Variants in CTNNA2 observed in about 807,000 individuals in gnomAD.
The protein encoded by CTNNA2 is catenin alpha 2.
In CTNNA2, 42 loss-of-function variants were observed where a neutral mutation model predicts 101.0. The ratio of observed to expected loss-of-function variants is 0.42; its 90% CI spans 0.32 to 0.54. The LOEUF is 0.54. Among genes scored for constraint, CTNNA2 ranks in the 20% least tolerant of loss-of-function variants. The probability of loss-of-function intolerance (pLI) is 0.14; values close to 1 mark genes in which losing one functional copy is unlikely to be tolerated. For missense variants in CTNNA2, 871 were observed against 1,223.1 expected, an observed-to-expected ratio of 0.71 and a Z score of 4.29; for synonymous variants, 450 against 456.4, an observed-to-expected ratio of 0.99 and a Z score of 0.18.
intron 3 of CTNNA2, among the ~76,000 whole-genome samples, chr2:79,783,465 C>T (rs1674608246): frequency 6.6e-6 from 1 of 152,196 alleles, no homozygotes; most frequent in Admixed American, 6.5e-5. Context: ...TTTCTCTCTT[C>T]TCTGAACTTC....
chr2:79,867,235 T>C (rs542090953), intron 4 of CTNNA2, among the ~76,000 whole-genome samples: 2 of 152,326 alleles, frequency 1.3e-5, no homozygotes, highest in African/African-American at 4.8e-5. Context: ...TCCTTGACTG[T>C]TCAAAAATAA....
chr2:80,341,021 G>A (rs1269877906), intron 7 of CTNNA2, among the ~76,000 whole-genome samples: 1 of 152,096 alleles, frequency 6.6e-6, no homozygotes, highest in Non-Finnish European at 1.5e-5. Flanking sequence ...GCCAGATGAA[G>A]GAGTACACAG....
chr2:79,657,800 A>G (rs772734250), intron 2 of CTNNA2, among the ~76,000 whole-genome samples: 20 of 151,820 alleles, frequency 1.3e-4, no homozygotes, highest in Non-Finnish European at 2.8e-4. Context: ...AAAACAAATA[A>G]AAATACTTTA....
At chr2:80,052,135 T>C (rs1019318388) in intron 7 of CTNNA2, among the ~76,000 whole-genome samples, 6 of 152,202 alleles carry the variant, frequency 3.9e-5, no homozygotes, top group Admixed American at 6.5e-5. Flanking sequence ...TTTGGGACTT[T>C]AAATATGATC....
chr2:80,427,170 C>T (rs1681070080), intron 9 of CTNNA2, among the ~76,000 whole-genome samples: 1 of 152,050 alleles, frequency 6.6e-6, no homozygotes, highest in Non-Finnish European at 1.5e-5. Flanking sequence ...AGTGATGTTG[C>T]CAGCTTTTGG....
At chr2:80,227,907 G>T (rs1708980902) in intron 7 of CTNNA2, among the ~76,000 whole-genome samples, 1 of 152,068 alleles carries the variant, frequency 6.6e-6, no homozygotes, top group Non-Finnish European at 1.5e-5. Flanking sequence ...TTAAGTTATT[G>T]TGTGATCTAG....
At chr2:80,444,601 C>T (rs1682911209) in intron 9 of CTNNA2, among the ~76,000 whole-genome samples, 1 of 152,158 alleles carries the variant, frequency 6.6e-6, no homozygotes, top group South Asian at 2.1e-4. Flanking sequence ...TAGCCCCCAG[C>T]ATGATCATAC....
chr2:80,532,522 T>A (rs1220813813), intron 9 of CTNNA2, among the ~76,000 whole-genome samples: 2 of 152,220 alleles, frequency 1.3e-5, no homozygotes, highest in Non-Finnish European at 2.9e-5. Flanking sequence ...AGAGTAATAA[T>A]GCTGGGATAT....
chr2:79,582,797 A>C (rs1194146152), intron 1 of CTNNA2, among the ~76,000 whole-genome samples: 1 of 152,144 alleles, frequency 6.6e-6, no homozygotes, highest in Non-Finnish European at 1.5e-5. Context: ...TTCTAGGTGC[A>C]CAGTTCTGTG....
chr2:79,668,760 G>A (rs1479277478), intron 2 of CTNNA2, among the ~76,000 whole-genome samples: 1 of 152,192 alleles, frequency 6.6e-6, no homozygotes, highest in African/African-American at 2.4e-5. Flanking sequence ...TGCAGATGCA[G>A]CCACAATCTG....
At chr2:79,513,642 A>G (rs1671650673) in intron 1 of CTNNA2, among the ~76,000 whole-genome samples, 1 of 151,152 alleles carries the variant, frequency 6.6e-6, no homozygotes, top group East Asian at 2.0e-4. Context: ...CAGATTCCTA[A>G]ATTTTTAGGA....
chr2:80,197,405 C>T (rs1240051914), intron 7 of CTNNA2, among the ~76,000 whole-genome samples: 1 of 152,170 alleles, frequency 6.6e-6, no homozygotes, highest in African/African-American at 2.4e-5. Flanking sequence ...TTATTGCAGT[C>T]ACATCTTATG....
At chr2:79,967,910 G>T (rs549360127) in intron 7 of CTNNA2, among the ~76,000 whole-genome samples, 21 of 152,264 alleles carry the variant, frequency 1.4e-4, no homozygotes, top group African/African-American at 4.6e-4. Flanking sequence ...CTTCAATGTG[G>T]ATGAACTCAA....
chr2:79,406,923 C>A (rs1460538170), intron 4 of CTNNA2, among the ~76,000 whole-genome samples: 1 of 151,980 alleles, frequency 6.6e-6, no homozygotes, highest in African/African-American at 2.4e-5. Context: ...TCTCTGATGT[C>A]TCCTCAACTC....
chr2:79,281,148 C>A (rs1675369063), intron 2 of CTNNA2, among the ~76,000 whole-genome samples: 1 of 152,066 alleles, frequency 6.6e-6, no homozygotes, highest in Non-Finnish European at 1.5e-5. Context: ...CAAGAACCAT[C>A]CTTACATGAT....
chr2:79,743,188 C>T (rs28618289), intron 2 of CTNNA2, among the ~76,000 whole-genome samples: 2 of 144,924 alleles, frequency 1.4e-5, no homozygotes, highest in Non-Finnish European at 3.1e-5. Context: ...AAAAAAAATA[C>T]AGCAGTAAAC....
At chr2:79,231,254 G>T (rs1359062412) in intron 2 of CTNNA2, among the ~76,000 whole-genome samples, 2 of 152,230 alleles carry the variant, frequency 1.3e-5, no homozygotes, top group Non-Finnish European at 2.9e-5. Context: ...GAGAGACCCA[G>T]TGGGGGGTAA....
intron 7 of CTNNA2, among the ~76,000 whole-genome samples, chr2:79,981,089 C>CA (rs1398164985): frequency 6.6e-6 from 1 of 152,016 alleles, no homozygotes; most frequent in African/African-American, 2.4e-5. Flanking sequence ...TTTCCACTGT[C>CA]AAAATGATAC....
chr2:79,958,993 G>T (rs918967218), intron 7 of CTNNA2, among the ~76,000 whole-genome samples: 1 of 152,032 alleles, frequency 6.6e-6, no homozygotes, highest in African/African-American at 2.4e-5. Context: ...CTCTAAATTC[G>T]CAAGGATGTA....
Sources: gnomAD v4.1 joint callset for allele counts (sites outside exome capture counted in the v4.1 genomes callset) on GRCh38, gnomAD v4.1.1 for gene constraint, MANE v1.5 for transcripts, NCBI Gene and HGNC (gene_info 2026-07-23, HGNC 2026-07-21) for gene names.